Variants in MMP16 observed in about 807,000 individuals in gnomAD.
MMP16 encodes matrix metalloproteinase-16.
Under a neutral mutation model 67.8 loss-of-function variants are expected in MMP16, and 12 were observed. The ratio of observed to expected loss-of-function variants is 0.18; its 90% CI spans 0.11 to 0.29. The LOEUF (loss-of-function observed/expected upper bound fraction) is 0.29. Among genes scored for constraint, MMP16 ranks in the 10% least tolerant of loss-of-function variants. The probability of loss-of-function intolerance (pLI) is 1.00; values close to 1 mark genes in which losing one functional copy is unlikely to be tolerated. For missense variants in MMP16, 475 were observed against 765.7 expected, an observed-to-expected ratio of 0.62 and a Z score of 4.48; for synonymous variants, 249 against 255.9, an observed-to-expected ratio of 0.97 and a Z score of 0.26.
chr8:88,133,198 T>C (rs919662161), intron 4 of MMP16, among the ~76,000 whole-genome samples: 1 of 150,962 alleles, frequency 6.6e-6, no homozygotes, highest in African/African-American at 2.4e-5. Flanking sequence ...TATTGAATTA[T>C]CTTGCCATTA....
intron 4 of MMP16, among the ~76,000 whole-genome samples, chr8:88,123,810 G>C (rs1304202237): frequency 6.6e-6 from 1 of 151,702 alleles, no homozygotes; most frequent in Non-Finnish European, 1.5e-5. Flanking sequence ...GCTGATCTTG[G>C]GTGGATTTTC....
At chr8:88,253,460 C>T (rs541771558) in intron 1 of MMP16, among the ~76,000 whole-genome samples, 4 of 152,116 alleles carry the variant, frequency 2.6e-5, no homozygotes, top group African/African-American at 7.2e-5. Context: ...GTATGTACCT[C>T]GATATGCTGT....
chr8:88,161,499 C>T (rs1808622800), intron 4 of MMP16, among the ~76,000 whole-genome samples: 1 of 152,092 alleles, frequency 6.6e-6, no homozygotes, highest in Admixed American at 6.6e-5. Flanking sequence ...TTCAAAAAAC[C>T]AGCTCCTGGA....
Position 88,144,342 on chromosome 8 carries a change from C to T in MMP16, c.709+23327G>A, listed in dbSNP as rs183415305. 5.3e-5 allele frequency among the ~76,000 whole-genome samples: 8 copies of T among 151,844 alleles called. No homozygotes were observed. The East Asian group carries it at 1.5e-3, about 29-fold the overall frequency. On this transcript the variant is annotated intron_variant, in intron 4 of 9. Transcript: ENST00000286614. Reference sequence around the variant, plus strand: ...GCAGTTGGCATACAAAAAGAAAGTTCTAACAAAGTGCCAATTTTACTCTAA... The same window carrying T: ...GCAGTTGGCATACAAAAAGAAAGTTTTAACAAAGTGCCAATTTTACTCTAA...
At chr8:88,278,859 T>C (rs189095566) in intron 1 of MMP16, among the ~76,000 whole-genome samples, 8 of 152,086 alleles carry the variant, frequency 5.3e-5, no homozygotes, top group Non-Finnish European at 7.4e-5. Flanking sequence ...TAGATTTGCA[T>C]AAATAACATA....
chr8:88,072,975 G>C (rs968899926), intron 7 of MMP16, among the ~76,000 whole-genome samples: 1 of 152,102 alleles, frequency 6.6e-6, no homozygotes, highest in African/African-American at 2.4e-5. Context: ...AAGTGAGAAG[G>C]CCCCGAGGCC....
intron 6 of MMP16, among the ~76,000 whole-genome samples, chr8:88,114,509 T>C (rs1315638521): frequency 6.6e-6 from 1 of 152,018 alleles, no homozygotes; most frequent in Non-Finnish European, 1.5e-5. Flanking sequence ...GACAGGATGC[T>C]AGTTTCCATT....
chr8:88,249,015 G>A (rs982073121), intron 1 of MMP16, among the ~76,000 whole-genome samples: 3 of 151,880 alleles, frequency 2.0e-5, no homozygotes, highest in Admixed American at 6.6e-5. Context: ...AATCACCAAC[G>A]CAACTCTTTA....
intron 3 of MMP16, among the ~76,000 whole-genome samples, chr8:88,170,935 A>C (rs1808789703): frequency 6.6e-6 from 1 of 152,208 alleles, no homozygotes; most frequent in Non-Finnish European, 1.5e-5. Flanking sequence ...TGTGATAGCC[A>C]TGGAGATATG....
intron 6 of MMP16, among the ~76,000 whole-genome samples, chr8:88,100,503 A>G (rs1189516046): frequency 4.6e-5 from 7 of 152,072 alleles, no homozygotes; most frequent in African/African-American, 7.2e-5. Flanking sequence ...ATATAGAGAA[A>G]TAGAAACACT....
Position 88,041,419 on chromosome 8 carries a change from C to T in MMP16, c.*42G>A, listed in dbSNP as rs775480265. 1.9e-6 allele frequency: 3 copies of T among 1,567,728 alleles called. No individual in the cohort carries two copies. Among genetic ancestry groups the T allele is most frequent in the Middle Eastern group, 1.7e-4 (1 of 5,832 alleles). On this transcript the variant is annotated 3_prime_UTR_variant, in exon 10 of 10. Transcript: ENST00000286614. This position sits in a 1 kb window ranked among gnomAD's most constrained non-coding sequence, Gnocchi z 6.0. ...GCTCTTGTCTTGAATCTCAAGTTAC[C>T]ACAAACTCCTGCAAAAGAAAGAAAG...
At chr8:88,274,223 T>C (rs920827256) in intron 1 of MMP16, among the ~76,000 whole-genome samples, 3 of 152,014 alleles carry the variant, frequency 2.0e-5, no homozygotes, top group Non-Finnish European at 2.9e-5. Context: ...ACAGGATATA[T>C]GTATAGCTGA....
At chr8:88,116,358 T>C in intron 6 of MMP16, 149 bp downstream of exon 6, 1 of 677,334 alleles carries the variant, frequency 1.5e-6, no homozygotes. Flanking sequence ...TAAGCCCATT[T>C]GTGCATTTAT....
At chr8:88,151,589 T>C (rs1285007015) in intron 4 of MMP16, among the ~76,000 whole-genome samples, 1 of 138,172 alleles carries the variant, frequency 7.2e-6, no homozygotes, top group Non-Finnish European at 1.6e-5. Flanking sequence ...ACATGGAAAC[T>C]GAACAACCTG....
chr8:88,238,787 T>C (rs965106911), intron 1 of MMP16, among the ~76,000 whole-genome samples: 2 of 152,014 alleles, frequency 1.3e-5, no homozygotes, highest in Admixed American at 1.3e-4. Flanking sequence ...GTTTATGATA[T>C]TTAAGTTCAT....
Position 88,197,253 on chromosome 8 carries a change from C to T in MMP16, c.186G>A (p.Val62=). The part of the protein sequence containing the change: ...YLPPTDPRMS[V]LRSAETMQSA... ...ACTGCATGGTCTCTGCAGAGCGCAG[C>T]ACTGACATTCTGGGGTCAGTCGGTG... Residue 62 remains valine, a synonymous_variant, in exon 2 of 10, where the codon GTG becomes GTA. Coordinates refer to ENST00000286614, the MANE Select transcript of MMP16 (RefSeq NM_005941.5). 2 of 1,602,828 alleles carry T rather than the reference C, an allele frequency of 1.2e-6. No homozygotes were observed. Among genetic ancestry groups the T allele is most frequent in the East Asian group, 2.3e-5 (1 of 44,198 alleles).
chr8:88,154,597 C>T (rs1227034319), intron 4 of MMP16, among the ~76,000 whole-genome samples: 3 of 151,604 alleles, frequency 2.0e-5, no homozygotes, highest in African/African-American at 4.9e-5. Context: ...AATCATCATT[C>T]TCAGTTAACT....
chr8:88,199,608 C>T lies in MMP16; in HGVS notation c.133-2302G>A, dbSNP rs1809309014. On this transcript the variant is annotated intron_variant, in intron 1 of 9. Transcript: ENST00000286614. ...AGTAATATTTGGAAATGTATCTTTC[C>T]CCTTACCCTAGTATTCTGCTATCCA... 2.6e-5 allele frequency among the ~76,000 whole-genome samples: 4 copies of T among 152,014 alleles called. No individual in the cohort carries two copies. In the South Asian group the frequency reaches 8.3e-4, roughly 32 times the overall value.
chr8:88,155,314 C>G (rs1418444011), intron 4 of MMP16, among the ~76,000 whole-genome samples: 1 of 151,918 alleles, frequency 6.6e-6, no homozygotes, highest in Non-Finnish European at 1.5e-5. Flanking sequence ...CTATTTTCTT[C>G]TATTGTCTAG....
Sources: allele counts gnomAD v4.1 joint callset (sites outside exome capture counted in the v4.1 genomes callset), GRCh38; gene constraint gnomAD v4.1.1; non-coding constraint Gnocchi (gnomAD v3.1); transcripts MANE v1.5; gene names NCBI Gene and HGNC (gene_info 2026-07-23, HGNC 2026-07-21).